Variants in ZNF423 observed in about 807,000 individuals in gnomAD.
The protein encoded by ZNF423 is Ebf-associated zinc finger protein.
In ZNF423, 12 loss-of-function variants were observed where a neutral mutation model predicts 95.8. The observed-to-expected ratio is 0.13, with a 90% CI of 0.08 to 0.20. The LOEUF (loss-of-function observed/expected upper bound fraction) is 0.20, where lower values mean the gene tolerates loss of function less well. Among genes scored for constraint, ZNF423 ranks in the 10% least tolerant of loss-of-function variants. The probability of loss-of-function intolerance (pLI) is 1.00; values close to 1 mark genes in which losing one functional copy is unlikely to be tolerated. For synonymous variants in ZNF423, 749 were observed against 711.9 expected (o/e 1.05, Z -0.83); for missense variants, 1,316 against 1,737.1 (o/e 0.76, Z 4.31).
chr16:49,517,189 C>T (rs1313239177), intron 7 of ZNF423, among the ~76,000 whole-genome samples: 1 of 152,342 alleles, frequency 6.6e-6, no homozygotes, highest in South Asian at 2.1e-4. Flanking sequence ...CCCAACATTG[C>T]TTCCTGCTCT....
At chr16:49,547,115 G>C (rs993992538) in intron 5 of ZNF423, among the ~76,000 whole-genome samples, 3 of 152,036 alleles carry the variant, frequency 2.0e-5, no homozygotes, top group African/African-American at 7.2e-5. Flanking sequence ...TTAAGATAGG[G>C]AAAGCTATGT....
intron 1 of ZNF423, chr16:49,854,373 T>A (rs2035334150): frequency 1.0e-6 from 1 of 985,294 alleles, no homozygotes; most frequent in African/African-American, 1.7e-5. Context: ...CTGACGAGTG[T>A]CTCAAGATCC....
intron 3 of ZNF423, among the ~76,000 whole-genome samples, chr16:49,705,553 G>C (rs1339261746): frequency 6.6e-6 from 1 of 151,966 alleles, no homozygotes; most frequent in Non-Finnish European, 1.5e-5. Flanking sequence ...TTTATTTTTT[G>C]TGCGTGATTT....
intron 5 of ZNF423, among the ~76,000 whole-genome samples, chr16:49,598,860 A>G (rs1971265906): frequency 6.6e-6 from 1 of 152,256 alleles, no homozygotes; most frequent in African/African-American, 2.4e-5. Flanking sequence ...TTGCTTCTAA[A>G]GGGTCTGAAA....
At chr16:49,746,156 G>A (rs565872680) in intron 2 of ZNF423, among the ~76,000 whole-genome samples, 1 of 152,248 alleles carries the variant, frequency 6.6e-6, no homozygotes, top group South Asian at 2.1e-4. Flanking sequence ...CATTCTGTGA[G>A]TGGAATGCAA....
chr16:49,529,072 G>T (rs1597056302), intron 5 of ZNF423, among the ~76,000 whole-genome samples: 1 of 151,878 alleles, frequency 6.6e-6, no homozygotes, highest in Admixed American at 6.6e-5. Flanking sequence ...ACCCCAGCGT[G>T]GGGACTGGAG....
At chr16:49,735,717 G>C (rs1172959087) in intron 2 of ZNF423, among the ~76,000 whole-genome samples, 1 of 152,166 alleles carries the variant, frequency 6.6e-6, no homozygotes, top group Non-Finnish European at 1.5e-5. Flanking sequence ...GCCACATGGA[G>C]AGAGAGCACA....
intron 7 of ZNF423, among the ~76,000 whole-genome samples, chr16:49,523,046 T>C (rs1968462680): frequency 6.6e-6 from 1 of 152,094 alleles, no homozygotes; most frequent in African/African-American, 2.4e-5. Flanking sequence ...TTTCCCAAGG[T>C]CCTCTCAGTT....
intron 1 of ZNF423, among the ~76,000 whole-genome samples, chr16:49,843,382 T>A (rs2035211466): frequency 6.6e-6 from 1 of 152,144 alleles, no homozygotes; most frequent in African/African-American, 2.4e-5. Context: ...GACTAATGGT[T>A]CCTAACCCTG....
chr16:49,606,343 G>A (rs140292418), intron 5 of ZNF423, among the ~76,000 whole-genome samples: 99 of 152,278 alleles, frequency 6.5e-4, no homozygotes, highest in African/African-American at 2.3e-3. Context: ...GCTTAAGAGC[G>A]AGGAAATGGT....
At chr16:49,608,949 G>A (rs924585132) in intron 5 of ZNF423, among the ~76,000 whole-genome samples, 5 of 152,246 alleles carry the variant, frequency 3.3e-5, no homozygotes, top group Admixed American at 2.0e-4. Context: ...AGAAACCCTA[G>A]CAGGGAGCCA....
At chr16:49,674,070 TC>T (rs2151928588) in intron 3 of ZNF423, among the ~76,000 whole-genome samples, 1 of 152,324 alleles carries the variant, frequency 6.6e-6, no homozygotes, top group South Asian at 2.1e-4. Context: ...TAGCTGGCAC[TC>T]TGAGAACAAA....
chr16:49,534,441 T>G (rs1362310820), intron 5 of ZNF423, among the ~76,000 whole-genome samples: 4 of 152,098 alleles, frequency 2.6e-5, no homozygotes, highest in Non-Finnish European at 5.9e-5. Context: ...TTAGTAGAGA[T>G]GGGGTTTCAC....
chr16:49,789,901 C>G (rs912705807), intron 1 of ZNF423, among the ~76,000 whole-genome samples: 2 of 152,104 alleles, frequency 1.3e-5, no homozygotes, highest in Non-Finnish European at 2.9e-5. Context: ...GAGACCTGAC[C>G]CACAGATAGA....
chr16:49,678,866 A>C (rs1471379766), intron 3 of ZNF423, among the ~76,000 whole-genome samples: 1 of 152,254 alleles, frequency 6.6e-6, no homozygotes, highest in African/African-American at 2.4e-5. Flanking sequence ...AGAGGATCTG[A>C]CATGAGATAC....
At chr16:49,820,099 T>A (rs1332476711) in intron 1 of ZNF423, among the ~76,000 whole-genome samples, 2 of 151,862 alleles carry the variant, frequency 1.3e-5, no homozygotes, top group African/African-American at 2.4e-5. Flanking sequence ...GATGGATGAA[T>A]GGATGGACAG....
chr16:49,652,412 T>A lies in ZNF423; in HGVS notation c.302-13538A>T, dbSNP rs140490378. 2.5e-3 allele frequency among the ~76,000 whole-genome samples: 379 copies of A among 151,018 alleles called. 2 individuals carry two copies. The highest frequency in any genetic ancestry group is 8.9e-3 in the African/African-American group (366 of 41,160). ...GAGAGCTGGCTGTGATCAAACTTGC[T>A]AAAGAGGAGCCTAGTGATCAACTCC... On this transcript the variant is annotated intron_variant, in intron 3 of 7. Transcript: ENST00000563137.
intron 7 of ZNF423, among the ~76,000 whole-genome samples, chr16:49,523,376 A>C (rs1295577657): frequency 6.6e-6 from 1 of 152,224 alleles, no homozygotes; most frequent in African/African-American, 2.4e-5. Flanking sequence ...CTTGCCACGA[A>C]ACACCTCAAA....
intron 3 of ZNF423, among the ~76,000 whole-genome samples, chr16:49,707,214 C>A (rs2032382098): frequency 6.6e-6 from 1 of 152,196 alleles, no homozygotes; most frequent in African/African-American, 2.4e-5. Flanking sequence ...AGGGCCTTTG[C>A]ACATGCTCTC....
Sources: gnomAD v4.1 joint callset for allele counts (sites outside exome capture counted in the v4.1 genomes callset) on GRCh38, gnomAD v4.1.1 for gene constraint, MANE v1.5 for transcripts, NCBI Gene and HGNC (gene_info 2026-07-23, HGNC 2026-07-21) for gene names.